Variants in LIMK1 observed in about 807,000 individuals in gnomAD.
LIMK1 encodes the protein LIM domain kinase 1, also known as LIM motif-containing protein kinase.
A neutral mutation model predicts 77.6 loss-of-function variants in LIMK1; 21 were observed. The observed-to-expected ratio is 0.27, with a 90% CI of 0.19 to 0.39. LIMK1 has a LOEUF of 0.39. Ranked by LOEUF, LIMK1 falls within the 10% of genes least tolerant of loss-of-function variation. The pLI is 1.00. For synonymous variants in LIMK1, 358 were observed against 370.0 expected (o/e 0.97, Z 0.37); for missense variants, 696 against 901.6 (o/e 0.77, Z 2.92).
chr7:74,095,885 T>G (rs1354012944), intron 2 of LIMK1, among the ~76,000 whole-genome samples: 1 of 152,050 alleles, frequency 6.6e-6, no homozygotes, highest in African/African-American at 2.4e-5. Context: ...CCAGGCCTCC[T>G]TGGTAGCCTC....
Position 74,120,904 on chromosome 7 carries a change from G to T in LIMK1, c.1636G>T (p.Val546Leu). The change falls in exon 15 of 16, where the codon GTG becomes TTG. Residue 546 changes from valine (V) to leucine (L), a missense_variant. This residue lies in a region of LIMK1 where 438 missense variants were observed against 602.3 expected (regional missense o/e 0.73). Coordinates refer to ENST00000336180, the MANE Select transcript of LIMK1 (RefSeq NM_002314.4). Reference protein sequence around the residue: ...GIVLCEIIGRVNADPDYLPRT... With the variant: ...GIVLCEIIGRLNADPDYLPRT... Reference sequence around the variant, plus strand: ...TTGTACTGGACAGATCATCGGGCGGGTGAACGCAGACCCTGACTACCTGCC... The same window carrying T: ...TTGTACTGGACAGATCATCGGGCGGTTGAACGCAGACCCTGACTACCTGCC... 1 of 1,614,168 alleles carries T rather than the reference G, an allele frequency of 6.2e-7. No homozygotes were observed. The highest frequency in any genetic ancestry group is 8.5e-7 in the Non-Finnish European group (1 of 1,180,020).
chr7:74,086,628 C>G (rs1799142278), intron 2 of LIMK1, among the ~76,000 whole-genome samples: 1 of 152,144 alleles, frequency 6.6e-6, no homozygotes, highest in South Asian at 2.1e-4. Context: ...TCCGAAAGTG[C>G]TAGGCTTACA....
At chr7:74,107,836 GCTTCTGT>G in intron 8 of LIMK1, 28 bp from the exon 9 acceptor site, 1 of 1,532,026 alleles carries the variant, frequency 6.5e-7, no homozygotes, top group Non-Finnish European at 8.9e-7. Flanking sequence ...TTACAGCAGA[GCTTCTGT>G]CTTCACACCT....
At chr7:74,090,926 G>A (rs1378034737) in intron 2 of LIMK1, among the ~76,000 whole-genome samples, 5 of 151,998 alleles carry the variant, frequency 3.3e-5, no homozygotes, top group South Asian at 2.1e-4. Flanking sequence ...TTATTAAAGC[G>A]ATTTTTTTTT....
In LIMK1 at chr7:74,112,607, G is replaced by A. The variant is rs184204187; in HGVS notation, c.1410+609G>A. Among the ~76,000 whole-genome samples, 365 of 152,224 alleles carry A rather than the reference G, an allele frequency of 2.4e-3. 1 individual carries two copies. The highest frequency in any genetic ancestry group is 8.0e-3 in the African/African-American group (334 of 41,538). On this transcript the variant is annotated intron_variant, in intron 12 of 15. Coordinates refer to ENST00000336180, the MANE Select transcript of LIMK1 (RefSeq NM_002314.4). Reference sequence around the variant, plus strand: ...AGGTGGGTGGATCACTTGAAGCCAGGAGTTCAAGACCAGCCTGGCCAACAT... The same window carrying A: ...AGGTGGGTGGATCACTTGAAGCCAGAAGTTCAAGACCAGCCTGGCCAACAT...
intron 2 of LIMK1, among the ~76,000 whole-genome samples, chr7:74,096,001 T>C (rs1799330694): frequency 7.2e-6 from 1 of 137,968 alleles, no homozygotes; most frequent in African/African-American, 3.0e-5. Context: ...AGTCTCACTC[T>C]GTCGCCAGGC....
chr7:74,086,108 C>T (rs1347126276), intron 2 of LIMK1, among the ~76,000 whole-genome samples: 18 of 152,128 alleles, frequency 1.2e-4, no homozygotes, highest in African/African-American at 3.9e-4. Context: ...TACAGTGGTG[C>T]GATCTTGGCT....
At chr7:74,109,090 C>G (rs1432415464) in intron 10 of LIMK1, 54 bp downstream of exon 10, 1 of 1,408,610 alleles carries the variant, frequency 7.1e-7, no homozygotes, top group South Asian at 1.2e-5. Context: ...GGCAAAGCAG[C>G]TCCCTCTGTG....
intron 7 of LIMK1, 38 bp downstream of exon 7, chr7:74,106,281 C>T (rs1554697499): frequency 6.4e-7 from 1 of 1,570,092 alleles, no homozygotes; most frequent in Non-Finnish European, 8.6e-7. Context: ...TGGGTGCTTT[C>T]ACTCCTGCTG....
chr7:74,102,625 A>G (rs1554696756), intron 5 of LIMK1, among the ~76,000 whole-genome samples: 1 of 151,302 alleles, frequency 6.6e-6, no homozygotes, highest in Non-Finnish European at 1.5e-5. Flanking sequence ...CTGGGACTAC[A>G]GGCACGGGCC....
At chr7:74,085,438 C>T (rs1799116829) in intron 1 of LIMK1, among the ~76,000 whole-genome samples, 1 of 152,232 alleles carries the variant, frequency 6.6e-6, no homozygotes. Flanking sequence ...GCCACTGCTT[C>T]CTTTCTCCTC....
rs1407246746 is a variant in LIMK1, at chr7:74,106,922, GGCAT to G, written c.882-84_882-81del. 3 of 1,274,602 alleles carry G rather than the reference GGCAT, an allele frequency of 2.4e-6. No individual in the cohort carries two copies. The African/African-American group carries it at 4.5e-5, about 19-fold the overall frequency. 79.0% of individuals were successfully genotyped at this position (1,274,602 alleles called of 1,614,324 possible). Reference sequence around the variant, plus strand: ...GATTGCATAGACTGGCATGGACAGGGGCATGCAGGCAGGAGGAGGAAGGGGCAGG... The same window carrying G: ...GATTGCATAGACTGGCATGGACAGGGGCAGGCAGGAGGAGGAAGGGGCAGG... On this transcript the variant is annotated intron_variant, in intron 7 of 15. Coordinates refer to ENST00000336180, the MANE Select transcript of LIMK1 (RefSeq NM_002314.4).
intron 1 of LIMK1, among the ~76,000 whole-genome samples, chr7:74,085,028 C>T (rs896403555): frequency 6.6e-5 from 10 of 152,200 alleles, no homozygotes; most frequent in South Asian, 4.1e-4. Flanking sequence ...GCCATGCCAT[C>T]TCTGGGGCTC....
At chr7:74,117,581 C>T (rs1799841597) in intron 13 of LIMK1, among the ~76,000 whole-genome samples, 2 of 152,058 alleles carry the variant, frequency 1.3e-5, no homozygotes, top group Non-Finnish European at 2.9e-5. Context: ...CTTCTACAAG[C>T]AGGTGACACA....
chr7:74,093,346 C>A lies in LIMK1; in HGVS notation c.153-3276C>A, dbSNP rs1223876534. On this transcript the variant is annotated intron_variant, in intron 2 of 15. Coordinates refer to ENST00000336180, the MANE Select transcript of LIMK1 (RefSeq NM_002314.4). ...TACTTGTCCTGGGCTCCAGGCAGGG[C>A]CCCTGGTGTAAGGCCTGGGGCTGGA... 7 of 1,534,670 alleles carry A rather than the reference C, an allele frequency of 4.6e-6. No homozygotes were observed. The Admixed American group carries it at 1.4e-4, about 30-fold the overall frequency.
At position 74,112,082 on chromosome 7, in the gene LIMK1, G is replaced by A. The variant is rs1034929009; in HGVS notation, c.1410+84G>A. 4.5e-6 allele frequency: 5 copies of A among 1,109,740 alleles called. No individual in the cohort carries two copies. The African/African-American group carries it at 7.8e-5, about 17-fold the overall frequency. 68.7% of individuals were successfully genotyped at this position (1,109,740 alleles called of 1,614,324 possible). A position where few individuals can be genotyped will look rare whatever the true frequency, so the allele number is the denominator to read the frequency against. On this transcript the variant is annotated intron_variant, in intron 12 of 15. Coordinates refer to ENST00000336180, the MANE Select transcript of LIMK1 (RefSeq NM_002314.4). ...CCAGCCTCAGGGCCTTCCCAGAACT[G>A]GAGGCCCCTCCATGTTGCCTCCATG... is the stretch of plus-strand genomic sequence containing the variant.
rs71094754 is a variant in LIMK1 at position 74,102,484 on chromosome 7, C to CTT, written c.608+3263_608+3264dup. ...GATATTCTCAAAAGAAGGACCTTCT[C>CTT]TTTTTTTTTTTTTTTTTTGGAGACA... is the stretch of plus-strand genomic sequence containing the variant. On this transcript the variant is annotated intron_variant, in intron 5 of 15. Transcript: ENST00000336180. Among the ~76,000 whole-genome samples the CTT allele has an allele frequency of 8.7e-3, 472 of 54,054 alleles. 85 individuals carry two copies. The highest frequency in any genetic ancestry group is 0.02 in the African/African-American group (343 of 17,270). The allele number at this position is 54,054 out of a possible 152,430, so 35.5% of individuals were successfully genotyped here.
At chr7:74,096,911 C>T (rs1799347478) in intron 3 of LIMK1, 151 bp downstream of exon 3, 12 of 1,152,826 alleles carry the variant, frequency 1.0e-5, no homozygotes, top group Non-Finnish European at 1.3e-5. Context: ...GTCTGTATCC[C>T]TCAGCGCCCC....
intron 5 of LIMK1, among the ~76,000 whole-genome samples, chr7:74,103,246 T>G (rs1198583610): frequency 1.3e-5 from 2 of 151,550 alleles, no homozygotes; most frequent in African/African-American, 4.9e-5. Context: ...TAAAATGTTT[T>G]TCCTTTTTTT....
Sources: allele counts gnomAD v4.1 joint callset (sites outside exome capture counted in the v4.1 genomes callset), GRCh38; gene constraint gnomAD v4.1.1; regional missense constraint gnomAD v4.1.1; transcripts MANE v1.5; gene names NCBI Gene and HGNC (gene_info 2026-07-23, HGNC 2026-07-21).